Variants in SORCS3 observed in about 807,000 individuals in gnomAD.
The protein encoded by SORCS3 is VPS10 domain-containing receptor SorCS3.
In SORCS3, 57 loss-of-function variants were observed where a neutral mutation model predicts 146.3. The observed-to-expected ratio is 0.39, with a 90% confidence interval of 0.31 to 0.49. The LOEUF (loss-of-function observed/expected upper bound fraction) is 0.49. SORCS3 is among the 20% of genes least tolerant of loss of function. The pLI is 0.92. For missense variants in SORCS3, 1,341 were observed against 1,575.5 expected (o/e 0.85, Z 2.52); for synonymous variants, 653 against 618.5 (o/e 1.06, Z -0.83).
chr10:104,886,528 A>G (rs998745323), intron 2 of SORCS3, among the ~76,000 whole-genome samples: 1 of 151,492 alleles, frequency 6.6e-6, no homozygotes, highest in Admixed American at 6.6e-5. Flanking sequence ...AAATATATAC[A>G]GTTGTGTATA....
At chr10:104,989,342 A>T (rs1459292834) in intron 4 of SORCS3, among the ~76,000 whole-genome samples, 4 of 152,148 alleles carry the variant, frequency 2.6e-5, no homozygotes, top group African/African-American at 9.7e-5. Flanking sequence ...GAGAGGAGAA[A>T]ATTAATTATA....
At chr10:105,001,519 G>A (rs2055060856) in intron 4 of SORCS3, among the ~76,000 whole-genome samples, 1 of 152,160 alleles carries the variant, frequency 6.6e-6, no homozygotes, top group South Asian at 2.1e-4. Context: ...AATGTTTTTT[G>A]ATGGTGATGT....
intron 7 of SORCS3, among the ~76,000 whole-genome samples, chr10:105,117,919 A>G (rs560565180): frequency 1.3e-5 from 2 of 152,294 alleles, no homozygotes; most frequent in African/African-American, 4.8e-5. Context: ...TGCTTCCTCA[A>G]TAAGGTACAG....
rs568580419 is a variant in SORCS3 at position 104,691,783 on chromosome 10, C to T, written c.627+49829C>T. 2.4e-4 allele frequency among the ~76,000 whole-genome samples: 37 copies of T among 152,236 alleles called. No individual in the cohort carries two copies. The South Asian group carries it at 7.7e-3, about 32-fold the overall frequency. ...TGAGGCAGGGTCTTGCTCTGCCACC[C>T]AGGCTGGAGTGCAGTGGTGTGATCA... On this transcript the variant is annotated intron_variant, in intron 1 of 26. Transcript: ENST00000369701.
intron 1 of SORCS3, among the ~76,000 whole-genome samples, chr10:104,716,334 T>C (rs755534658): frequency 6.6e-6 from 1 of 152,166 alleles, no homozygotes; most frequent in Non-Finnish European, 1.5e-5. Context: ...GTTGACTACA[T>C]GAAAGAATAA....
At chr10:104,875,319 A>T (rs140518859) in intron 2 of SORCS3, among the ~76,000 whole-genome samples, 1 of 152,296 alleles carries the variant, frequency 6.6e-6, no homozygotes, top group African/African-American at 2.4e-5. Flanking sequence ...GTTTGGTTTT[A>T]CAGTAGTGGG....
intron 7 of SORCS3, among the ~76,000 whole-genome samples, chr10:105,129,332 T>TC (rs10695210): frequency 0.27 from 15,180 of 57,084 alleles, 1,187 homozygotes; most frequent in East Asian, 0.44. Flanking sequence ...TTTCTTTCTC[T>TC]TTTTTTTTTT....
chr10:104,938,499 C>A (rs2019281661), intron 3 of SORCS3, among the ~76,000 whole-genome samples: 1 of 152,064 alleles, frequency 6.6e-6, no homozygotes, highest in Admixed American at 6.5e-5. Flanking sequence ...CCCCATGTTT[C>A]CTTTACACTC....
chr10:104,764,991 C>T (rs2133479370), intron 1 of SORCS3, among the ~76,000 whole-genome samples: 1 of 152,298 alleles, frequency 6.6e-6, no homozygotes, highest in South Asian at 2.1e-4. Context: ...GTGATGTCTG[C>T]CATCACAGAG....
At position 104,787,866 on chromosome 10, in the gene SORCS3, C is replaced by T. The variant is rs562684853; in HGVS notation, c.628-54926C>T. ...CCAGGTAATGAGAGTCAGCTACAAG[C>T]AGACGGCTCTCTGCCTGTGAAAACA... On this transcript the variant is annotated intron_variant, in intron 1 of 26. Transcript: ENST00000369701. Among the ~76,000 whole-genome samples the T allele has an allele frequency of 8.5e-5, 13 of 152,276 alleles. 1 individual carries two copies. Among genetic ancestry groups the T allele is most frequent in the African/African-American group, 2.9e-4 (12 of 41,556 alleles).
chr10:104,763,893 C>G (rs1043169271), intron 1 of SORCS3, among the ~76,000 whole-genome samples: 6 of 152,034 alleles, frequency 3.9e-5, no homozygotes, highest in Non-Finnish European at 7.3e-5. Flanking sequence ...CATTCATTCT[C>G]TCTCCTGCCA....
intron 14 of SORCS3, among the ~76,000 whole-genome samples, chr10:105,179,691 G>A (rs1295142371): frequency 6.6e-6 from 1 of 152,344 alleles, no homozygotes; most frequent in East Asian, 1.9e-4. Context: ...AGCCCTGGAA[G>A]GGTTGCCAAG....
At position 105,159,087 on chromosome 10, in the gene SORCS3, A is replaced by G. The variant is rs932742886; in HGVS notation, c.1732+93A>G. On this transcript the variant is annotated intron_variant, in intron 11 of 26. Transcript: ENST00000369701. ...TGGATCATGGACTCACTTGAGCATC[A>G]GATGAAAGCTGTGAGCACTCGCCCC... 1.9e-4 allele frequency: 170 copies of G among 873,886 alleles called. No individual in the cohort carries two copies. In the East Asian group the frequency reaches 4.1e-3, roughly 21 times the overall value. 54.1% of individuals were successfully genotyped at this position (873,886 alleles called of 1,614,324 possible).
intron 1 of SORCS3, among the ~76,000 whole-genome samples, chr10:104,741,331 C>T (rs2016840076): frequency 1.3e-5 from 2 of 151,940 alleles, no homozygotes; most frequent in African/African-American, 4.8e-5. Context: ...ACCATCATAA[C>T]AGCACACTTG....
intron 4 of SORCS3, among the ~76,000 whole-genome samples, chr10:105,042,207 G>A (rs1292894985): frequency 6.6e-6 from 1 of 152,182 alleles, no homozygotes; most frequent in African/African-American, 2.4e-5. Context: ...GCTTCTTAGA[G>A]GCAGGCAGTG....
intron 3 of SORCS3, among the ~76,000 whole-genome samples, chr10:104,925,629 G>A (rs1338453518): frequency 6.6e-6 from 1 of 152,098 alleles, no homozygotes; most frequent in Non-Finnish European, 1.5e-5. Context: ...TTCCTCTTTT[G>A]TTTTTCATTT....
chr10:104,653,405 C>T (rs895792808), intron 1 of SORCS3, among the ~76,000 whole-genome samples: 2 of 152,018 alleles, frequency 1.3e-5, no homozygotes, highest in African/African-American at 4.8e-5. Context: ...CTTGAGATTT[C>T]TATTTATTTT....
rs1208762214 is a variant in SORCS3 at position 105,245,641 on chromosome 10, G to A, written c.2968G>A (p.Asp990Asn). 1 of 1,613,904 alleles carries A rather than the reference G, an allele frequency of 6.2e-7. No individual in the cohort carries two copies. Among genetic ancestry groups the A allele is most frequent in the Non-Finnish European group, 8.5e-7 (1 of 1,180,000 alleles). The change falls in exon 21 of 27, where the codon GAC (aspartate) becomes AAC (asparagine). Residue 990 changes from aspartate to asparagine, a missense_variant. Physicochemically the swap from Asp to Asn is conservative, Grantham distance 23 (BLOSUM62 1). Coordinates refer to ENST00000369701, the MANE Select transcript of SORCS3 (RefSeq NM_014978.3). ...QVAAGNALIQ[D>N]TKEIAVHEYF... ...GGCTGCTGGGAATGCCCTCATCCAG[G>A]ACACAAAAGAGATTGCAGTTCATGG...
intron 5 of SORCS3, among the ~76,000 whole-genome samples, chr10:105,059,214 C>T (rs1047383876): frequency 2.6e-5 from 4 of 152,152 alleles, no homozygotes; most frequent in African/African-American, 9.7e-5. Context: ...CAAAAACCCC[C>T]TCTTTTCTCC....
Sources: gnomAD v4.1 joint callset for allele counts (sites outside exome capture counted in the v4.1 genomes callset) on GRCh38, gnomAD v4.1.1 for gene constraint, MANE v1.5 for transcripts, NCBI Gene and HGNC (gene_info 2026-07-23, HGNC 2026-07-21) for gene names.